SOBP: variants seen among roughly 807,000 people sequenced by gnomAD.
SOBP encodes sine oculis binding protein homolog, also known as sine oculis-binding protein homolog.
SOBP carries 4 observed loss-of-function variants against 53.6 expected under a neutral mutation model. The ratio of observed to expected loss-of-function variants is 0.07; its 90% CI spans 0.04 to 0.17. SOBP has a LOEUF of 0.17. Ranked by LOEUF, SOBP falls within the 10% of genes least tolerant of loss-of-function variation. The probability of loss-of-function intolerance (pLI) is 1.00; values close to 1 mark genes in which losing one functional copy is unlikely to be tolerated. For missense variants in SOBP, 1,088 were observed against 1,204.7 expected (o/e 0.90, Z 1.43); for synonymous variants, 584 against 522.6 (o/e 1.12, Z -1.60).
At position 107,628,727 on chromosome 6, in the gene SOBP, A is replaced by C. The variant is rs1310148153; in HGVS notation, c.670-4787A>C. Among the ~76,000 whole-genome samples the C allele has an allele frequency of 2.0e-5, 3 of 152,246 alleles. No homozygotes were observed. In the East Asian group the frequency reaches 5.8e-4, roughly 29 times the overall value. Reference sequence around the variant, plus strand: ...ATTCATGCCAACATCTTTTGATTCTAAATCCCATGTGATTTCCATAGCCTC... The same window carrying C: ...ATTCATGCCAACATCTTTTGATTCTCAATCCCATGTGATTTCCATAGCCTC... On this transcript the variant is annotated intron_variant, in intron 5 of 6. Transcript: ENST00000317357.
rs1782765239 is a variant in SOBP, at chr6:107,498,905, T to C, written c.97-4752T>C. Among the ~76,000 whole-genome samples the C allele has an allele frequency of 2.0e-5, 3 of 152,178 alleles. No individual in the cohort carries two copies. The South Asian group carries it at 6.2e-4, about 31-fold the overall frequency. On this transcript the variant is annotated intron_variant, in intron 1 of 6. Transcript: ENST00000317357. Reference sequence around the variant, plus strand: ...GAAGGAAAGAGGCAGGGAAATTATGTAGTAGAAGTACAAAGCAATTAGAGT... The same window carrying C: ...GAAGGAAAGAGGCAGGGAAATTATGCAGTAGAAGTACAAAGCAATTAGAGT...
intron 4 of SOBP, among the ~76,000 whole-genome samples, chr6:107,569,641 G>A (rs1407535014): frequency 6.6e-6 from 1 of 152,228 alleles, no homozygotes; most frequent in Non-Finnish European, 1.5e-5. Flanking sequence ...CAATTTGCAA[G>A]CGTTTGCAGC....
At chr6:107,581,702 A>C (rs1785406282) in intron 4 of SOBP, among the ~76,000 whole-genome samples, 1 of 152,244 alleles carries the variant, frequency 6.6e-6, no homozygotes, top group Admixed American at 6.5e-5. Flanking sequence ...CAGAAAATGA[A>C]ATTCCATGCG....
intron 5 of SOBP, among the ~76,000 whole-genome samples, chr6:107,590,687 T>C (rs1785714405): frequency 1.3e-5 from 2 of 152,160 alleles, no homozygotes; most frequent in African/African-American, 2.4e-5. Flanking sequence ...TCACTTACAA[T>C]GCCTGTGTAG....
At chr6:107,557,430 G>A (rs766081105) in intron 4 of SOBP, among the ~76,000 whole-genome samples, 3 of 152,120 alleles carry the variant, frequency 2.0e-5, no homozygotes, top group Non-Finnish European at 4.4e-5. Context: ...AAATTGTTCC[G>A]AAACTATTAA....
At chr6:107,592,494 C>T (rs1218447561) in intron 5 of SOBP, among the ~76,000 whole-genome samples, 1 of 152,146 alleles carries the variant, frequency 6.6e-6, no homozygotes, top group East Asian at 1.9e-4. Context: ...GAGACCCTCC[C>T]CTTAATGCTT....
At position 107,660,825 on chromosome 6, in the gene SOBP, T is replaced by C. The variant is rs897447952; in HGVS notation, c.*2622T>C. On this transcript the variant is annotated 3_prime_UTR_variant, in exon 7 of 7. Coordinates refer to ENST00000317357, the MANE Select transcript of SOBP (RefSeq NM_018013.4). ...TGATTTAGCTTCTCAAAAAAATGAA[T>C]GTTCATTAAAATCTGAGGCACCACG... is the stretch of plus-strand genomic sequence containing the variant. Among the ~76,000 whole-genome samples, 5 of 152,178 alleles carry C rather than the reference T, an allele frequency of 3.3e-5. No homozygotes were observed. The highest frequency in any genetic ancestry group is 1.3e-4 in the Admixed American group (2 of 15,282).
chr6:107,582,208 A>T (rs1460154995), intron 4 of SOBP, among the ~76,000 whole-genome samples: 1 of 152,212 alleles, frequency 6.6e-6, no homozygotes, highest in Non-Finnish European at 1.5e-5. Context: ...ACCTTTTCTA[A>T]AGGCATTCTT....
intron 5 of SOBP, among the ~76,000 whole-genome samples, chr6:107,591,592 G>A (rs1785749741): frequency 6.6e-6 from 1 of 152,184 alleles, no homozygotes; most frequent in Non-Finnish European, 1.5e-5. Flanking sequence ...CAGGTGCACT[G>A]CACCCAGGTT....
chr6:107,630,966 G>A (rs184165038), intron 5 of SOBP, among the ~76,000 whole-genome samples: 1 of 152,310 alleles, frequency 6.6e-6, no homozygotes, highest in African/African-American at 2.4e-5. Context: ...ATGAGATATG[G>A]TGGAGAATTC....
At chr6:107,633,447 C>T (rs1200836335) in intron 5 of SOBP, 67 bp from the exon 6 acceptor site, 4 of 1,597,852 alleles carry the variant, frequency 2.5e-6, no homozygotes, top group East Asian at 2.2e-5. Flanking sequence ...ATGTGAAACA[C>T]GAAACGTCAT....
At chr6:107,551,696 C>CTT (rs1418382101) in intron 4 of SOBP, among the ~76,000 whole-genome samples, 2 of 152,188 alleles carry the variant, frequency 1.3e-5, no homozygotes, top group African/African-American at 4.8e-5. Flanking sequence ...GTGATCCACT[C>CTT]TGATATTTTC....
intron 4 of SOBP, among the ~76,000 whole-genome samples, chr6:107,553,094 G>GAAAT (rs1784507363): frequency 6.6e-6 from 1 of 151,758 alleles, no homozygotes; most frequent in African/African-American, 2.4e-5. Context: ...AAAACCTATT[G>GAAAT]AAATAAATAA....
intron 4 of SOBP, among the ~76,000 whole-genome samples, chr6:107,549,473 A>T (rs891908380): frequency 6.6e-6 from 1 of 151,276 alleles, no homozygotes; most frequent in African/African-American, 2.4e-5. Context: ...TAGATGCCTT[A>T]TGGGGTTTCA....
At chr6:107,597,809 G>T (rs1014608990) in intron 5 of SOBP, among the ~76,000 whole-genome samples, 6 of 152,084 alleles carry the variant, frequency 3.9e-5, no homozygotes, top group Admixed American at 6.6e-5. Context: ...ACCTTTTCTC[G>T]AGGGATATAT....
At chr6:107,528,585 G>C (rs933572732) in intron 3 of SOBP, among the ~76,000 whole-genome samples, 5 of 152,204 alleles carry the variant, frequency 3.3e-5, no homozygotes, top group African/African-American at 1.2e-4. Flanking sequence ...TGCACCGTGG[G>C]CCTTTAACTT....
intron 1 of SOBP, among the ~76,000 whole-genome samples, chr6:107,493,728 G>C (rs556692519): frequency 6.6e-6 from 1 of 152,250 alleles, no homozygotes; most frequent in East Asian, 1.9e-4. Flanking sequence ...GCCTCATCAC[G>C]GAGACTTCCT....
Position 107,634,210 on chromosome 6 carries a change from C to A in SOBP, c.1366C>A (p.Leu456Ile). 1 of 1,600,690 alleles carries A rather than the reference C, an allele frequency of 6.2e-7. No homozygotes were observed. Residue 456 changes from leucine (L) to isoleucine (I), a missense_variant, in exon 6 of 7, where the codon CTA (leucine) becomes ATA (isoleucine). Transcript: ENST00000317357. This position sits in a 1 kb window ranked among gnomAD's most constrained non-coding sequence, Gnocchi z 4.5. The stretch of plus-strand genomic sequence containing the variant: ...TTCCAGCCCCATGCACCGGCCCATG[C>A]TATCGCCCCACATCCACCCCCCGAG... ...PTSSPMHRPM[L>I]SPHIHPPSTP...
At position 107,490,391 on chromosome 6, in the gene SOBP, C is replaced by G; in HGVS notation, c.-226C>G. 1 of 375,092 alleles carries G rather than the reference C, an allele frequency of 2.7e-6. No homozygotes were observed. The highest frequency in any genetic ancestry group is 2.7e-5 in the South Asian group (1 of 36,582). 23.2% of individuals were successfully genotyped at this position (375,092 alleles called of 1,614,324 possible). A position where few individuals can be genotyped will look rare whatever the true frequency, so the allele number is the denominator to read the frequency against. On this transcript the variant is annotated 5_prime_UTR_variant, in exon 1 of 7. Transcript: ENST00000317357. Reference sequence around the variant, plus strand: ...CGGCGGCGGCATCCCCGAGACTCTCCGCACTATCCTTACCCGTGACAGCCA... The same window carrying G: ...CGGCGGCGGCATCCCCGAGACTCTCGGCACTATCCTTACCCGTGACAGCCA...
Sources: allele counts gnomAD v4.1 joint callset (sites outside exome capture counted in the v4.1 genomes callset), GRCh38; gene constraint gnomAD v4.1.1; non-coding constraint Gnocchi (gnomAD v3.1); transcripts MANE v1.5; gene names NCBI Gene and HGNC (gene_info 2026-07-23, HGNC 2026-07-21).